The following EXOC4 variants were observed in gnomAD, a reference collection of about 807,000 sequenced individuals.
The protein encoded by EXOC4 is exocyst complex component 4, also known as SEC8-like 1.
A neutral mutation model predicts 107.2 loss-of-function variants in EXOC4; 71 were observed. The observed-to-expected ratio is 0.66, with a 90% CI of 0.55 to 0.81. The LOEUF is 0.81. Ranked by LOEUF, EXOC4 falls within the 30% of genes least tolerant of loss-of-function variation. EXOC4 has a pLI of 0.00. For synonymous variants in EXOC4, 456 were observed against 441.2 expected (o/e 1.03, Z -0.42); for missense variants, 1,108 against 1,189.6 (o/e 0.93, Z 1.01).
intron 6 of EXOC4, among the ~76,000 whole-genome samples, chr7:133,359,650 C>T (rs1463223652): frequency 6.6e-6 from 1 of 152,092 alleles, no homozygotes; most frequent in African/African-American, 2.4e-5. Context: ...CTAAAAGTTT[C>T]ATCATCTTAT....
chr7:133,395,363 T>G (rs564318421), intron 7 of EXOC4, among the ~76,000 whole-genome samples: 8 of 152,144 alleles, frequency 5.3e-5, no homozygotes, highest in Non-Finnish European at 8.8e-5. Context: ...GATGAGGAAG[T>G]ATATACAGTG....
At chr7:133,377,290 G>A (rs1376957776) in intron 7 of EXOC4, among the ~76,000 whole-genome samples, 2 of 152,154 alleles carry the variant, frequency 1.3e-5, no homozygotes, top group Non-Finnish European at 2.9e-5. Flanking sequence ...GGAGGTGGAG[G>A]TTGCAGTGAG....
chr7:133,843,417 C>A (rs1003130090), intron 11 of EXOC4, among the ~76,000 whole-genome samples: 1 of 152,054 alleles, frequency 6.6e-6, no homozygotes, highest in Admixed American at 6.6e-5. Flanking sequence ...GTATTGTATT[C>A]TTTTTGTGGC....
intron 17 of EXOC4, among the ~76,000 whole-genome samples, chr7:134,033,184 A>G (rs574301696): frequency 6.6e-6 from 1 of 151,404 alleles, no homozygotes; most frequent in African/African-American, 2.4e-5. Flanking sequence ...CAGCAGTTCA[A>G]AAAAAAAATG....
At chr7:133,979,666 T>TA (rs1234114562) in intron 14 of EXOC4, among the ~76,000 whole-genome samples, 8 of 151,910 alleles carry the variant, frequency 5.3e-5, no homozygotes, top group Non-Finnish European at 2.9e-5. Flanking sequence ...CGGGCGCCTG[T>TA]AGTCCCAGCT....
Position 133,281,426 on chromosome 7 carries a change from T to A in EXOC4, c.276+6255T>A, listed in dbSNP as rs1485062698. ...TCTTACGGCAGGAGAAAACCTATGA[T>A]AGTACTTATATGTAGATTTACTTTC... On this transcript the variant is annotated intron_variant, in intron 2 of 17. Coordinates refer to ENST00000253861, the MANE Select transcript of EXOC4 (RefSeq NM_021807.4). Among the ~76,000 whole-genome samples the A allele has an allele frequency of 3.4e-5, 5 of 148,238 alleles. No homozygotes were observed. The East Asian group carries it at 9.7e-4, about 29-fold the overall frequency.
intron 2 of EXOC4, among the ~76,000 whole-genome samples, chr7:133,288,061 G>A (rs772106631): frequency 6.6e-6 from 1 of 152,074 alleles, no homozygotes; most frequent in East Asian, 1.9e-4. Context: ...AAACTGTAAA[G>A]AAATATTAAA....
At chr7:134,092,922 C>CAAAAAAAAAAAAAAAAAAAAAA in the EXOC4 span, among the ~76,000 whole-genome samples, 1 of 80,472 alleles carries the variant, frequency 1.2e-5, no homozygotes, top group Admixed American at 1.4e-4. Flanking sequence ...GACTCCATCT[C>CAAAAAAAAAAAAAAAAAAAAAA]AAAAAAAAAA....
chr7:133,625,753 T>C (rs1802437880), intron 9 of EXOC4, among the ~76,000 whole-genome samples: 1 of 152,190 alleles, frequency 6.6e-6, no homozygotes, highest in Non-Finnish European at 1.5e-5. Context: ...AATACTATTG[T>C]CAGTTTCCCT....
At chr7:133,460,443 C>G (rs548237673) in intron 7 of EXOC4, among the ~76,000 whole-genome samples, 1 of 152,270 alleles carries the variant, frequency 6.6e-6, no homozygotes, top group South Asian at 2.1e-4. Context: ...CAGTGCAGTT[C>G]ATTTGATTAA....
At chr7:133,510,510 A>G (rs961609441) in intron 9 of EXOC4, among the ~76,000 whole-genome samples, 3 of 152,160 alleles carry the variant, frequency 2.0e-5, no homozygotes, top group Non-Finnish European at 4.4e-5. Context: ...TTGCCTAACT[A>G]CTGGTCTCTA....
chr7:133,790,662 A>T (rs1379854500), intron 10 of EXOC4, among the ~76,000 whole-genome samples: 3 of 152,254 alleles, frequency 2.0e-5, no homozygotes, highest in Admixed American at 6.5e-5. Context: ...TTGTCCTTCT[A>T]TTTAAGATTT....
At chr7:133,781,587 G>A (rs976954404) in intron 10 of EXOC4, among the ~76,000 whole-genome samples, 20 of 152,228 alleles carry the variant, frequency 1.3e-4, no homozygotes, top group African/African-American at 4.1e-4. Flanking sequence ...TTCTGTCAGT[G>A]TCAGGGCTAA....
At chr7:133,253,252 G>A in intron 1 of EXOC4, 65 bp downstream of exon 1, 3 of 1,579,946 alleles carry the variant, frequency 1.9e-6, no homozygotes, top group South Asian at 2.2e-5. Context: ...CTTTGGAAGG[G>A]AGAAGGGTTA....
intron 5 of EXOC4, among the ~76,000 whole-genome samples, chr7:133,339,202 GTTCCTTTTTATGGCTGATTAGTATTC>G (rs1795602014): frequency 6.6e-6 from 1 of 152,080 alleles, no homozygotes; most frequent in Non-Finnish European, 1.5e-5. Flanking sequence ...CCATTATTTT[GTTCCTTTTTATGGCTGATTAGTATTC>G]CATGGTTTTG....
At chr7:133,853,068 G>T (rs1340752624) in intron 11 of EXOC4, among the ~76,000 whole-genome samples, 1 of 152,168 alleles carries the variant, frequency 6.6e-6, no homozygotes, top group Non-Finnish European at 1.5e-5. Flanking sequence ...TCAGAATCCA[G>T]TAAATGGCTG....
intron 5 of EXOC4, among the ~76,000 whole-genome samples, chr7:133,332,531 C>A (rs1320695412): frequency 2.6e-5 from 4 of 152,144 alleles, no homozygotes; most frequent in Non-Finnish European, 1.5e-5. Flanking sequence ...AGGAGAATCT[C>A]TTGAACTTGG....
At chr7:133,693,342 G>A (rs952570333) in intron 10 of EXOC4, among the ~76,000 whole-genome samples, 5 of 152,166 alleles carry the variant, frequency 3.3e-5, no homozygotes, top group Non-Finnish European at 7.3e-5. Context: ...GGAAGACTCA[G>A]CAAGTCAAAA....
At position 134,065,595 on chromosome 7, in the gene EXOC4, T is replaced by A. The variant is rs890970966; in HGVS notation, c.*1067T>A. On this transcript the variant is annotated 3_prime_UTR_variant, in exon 18 of 18. Transcript: ENST00000253861. Reference sequence around the variant, plus strand: ...TCATAGAAGGCAGCAATGCACTGACTGGGCCACATCTTGAAAACTCGTGGA... The same window carrying A: ...TCATAGAAGGCAGCAATGCACTGACAGGGCCACATCTTGAAAACTCGTGGA... 6.6e-6 allele frequency: 1 copy of A among 152,236 alleles called. No individual in the cohort carries two copies. Among genetic ancestry groups the A allele is most frequent in the African/African-American group, 2.4e-5 (1 of 41,412 alleles). The allele number at this position is 152,236 out of a possible 1,614,324, so 9.4% of individuals were successfully genotyped here.
Sources: gnomAD v4.1 joint callset for allele counts (sites outside exome capture counted in the v4.1 genomes callset) on GRCh38, gnomAD v4.1.1 for gene constraint, MANE v1.5 for transcripts, NCBI Gene and HGNC (gene_info 2026-07-23, HGNC 2026-07-21) for gene names.